The following TRIQK variants were observed in gnomAD, a reference collection of about 807,000 sequenced individuals.
TRIQK encodes the protein triple QxxK/R motif containing.
A neutral mutation model predicts 10.8 loss-of-function variants in TRIQK; 10 were observed. The ratio of observed to expected loss-of-function variants is 0.92; its 90% CI spans 0.57 to 1.57. The LOEUF is 1.57. TRIQK is among the 40% of genes most tolerant of loss of function. TRIQK has a pLI of 0.00. For synonymous variants in TRIQK, 33 were observed against 33.7 expected (o/e 0.98, Z 0.07); for missense variants, 107 against 97.7 (o/e 1.09, Z -0.40).
At chr8:92,911,426 C>T (rs899260250) in intron 3 of TRIQK, among the ~76,000 whole-genome samples, 9 of 151,104 alleles carry the variant, frequency 6.0e-5, no homozygotes, top group Non-Finnish European at 3.0e-5. Context: ...AAAGCCCTTA[C>T]TATCAAAAAT....
chr8:92,914,875 C>A (rs1171790120), intron 3 of TRIQK, among the ~76,000 whole-genome samples: 2 of 151,930 alleles, frequency 1.3e-5, no homozygotes, highest in African/African-American at 4.8e-5. Context: ...TAGGTATATA[C>A]CCAAAGAAAA....
intron 4 of TRIQK, among the ~76,000 whole-genome samples, chr8:92,890,294 AAAGT>A (rs1299245215): frequency 2.6e-5 from 4 of 151,768 alleles, no homozygotes; most frequent in Non-Finnish European, 5.9e-5. Flanking sequence ...ATTGTCAAGC[AAAGT>A]AAGTAATATT....
chr8:92,950,418 C>A (rs899798453), intron 2 of TRIQK, among the ~76,000 whole-genome samples: 1 of 152,120 alleles, frequency 6.6e-6, no homozygotes, highest in Non-Finnish European at 1.5e-5. Context: ...TTAAAGCTGG[C>A]AACTTAATCT....
At chr8:92,910,764 GA>G (rs1403520277) in intron 3 of TRIQK, among the ~76,000 whole-genome samples, 1 of 150,858 alleles carries the variant, frequency 6.6e-6, no homozygotes, top group African/African-American at 2.4e-5. Context: ...TAGAAAAGGG[GA>G]AATTATCATA....
upstream of TRIQK, among the ~76,000 whole-genome samples, chr8:92,967,720 C>T (rs1042578597): frequency 1.3e-5 from 2 of 150,446 alleles, no homozygotes; most frequent in Non-Finnish European, 1.5e-5. Context: ...TACTCAGGAG[C>T]CTGAGGCAGG....
intron 2 of TRIQK, among the ~76,000 whole-genome samples, chr8:92,927,017 C>T (rs1347901518): frequency 6.6e-6 from 1 of 152,084 alleles, no homozygotes; most frequent in African/African-American, 2.4e-5. Flanking sequence ...TGCCACTGCA[C>T]TCCAGCTTGG....
At chr8:92,910,219 A>G (rs1809499850) in intron 3 of TRIQK, among the ~76,000 whole-genome samples, 1 of 151,486 alleles carries the variant, frequency 6.6e-6, no homozygotes. Context: ...AAAATATGTG[A>G]AAGATAGGAG....
At chr8:92,931,950 A>G (rs1053609955) in intron 2 of TRIQK, among the ~76,000 whole-genome samples, 4 of 152,198 alleles carry the variant, frequency 2.6e-5, no homozygotes, top group Non-Finnish European at 5.9e-5. Flanking sequence ...ATTTTAGGCA[A>G]TACCTGAAAC....
intron 3 of TRIQK, among the ~76,000 whole-genome samples, chr8:92,908,876 T>C (rs986710398): frequency 6.6e-6 from 1 of 152,006 alleles, no homozygotes; most frequent in African/African-American, 2.4e-5. Context: ...TAAAGACTTT[T>C]ATATTTCCTT....
At chr8:93,003,281 G>A (rs1813232837) in intron 1 of TRIQK, among the ~76,000 whole-genome samples, 1 of 148,856 alleles carries the variant, frequency 6.7e-6, no homozygotes, top group Non-Finnish European at 1.5e-5. Context: ...GGAAAGCAAA[G>A]GGGAAGCAAG....
At chr8:92,987,101 A>G (rs1813040533) in intron 1 of TRIQK, among the ~76,000 whole-genome samples, 1 of 152,184 alleles carries the variant, frequency 6.6e-6, no homozygotes. Context: ...ATAATTTAAC[A>G]TACTATGGTC....
At chr8:92,907,936 C>T (rs1235592657) in intron 3 of TRIQK, among the ~76,000 whole-genome samples, 1 of 152,002 alleles carries the variant, frequency 6.6e-6, no homozygotes, top group African/African-American at 2.4e-5. Flanking sequence ...ATTTACCATT[C>T]CTCATATTAC....
At chr8:92,933,715 T>C (rs1195328506) in intron 2 of TRIQK, among the ~76,000 whole-genome samples, 1 of 152,162 alleles carries the variant, frequency 6.6e-6, no homozygotes, top group African/African-American at 2.4e-5. Flanking sequence ...TATTTATACA[T>C]TTAAAAATAT....
intron 1 of TRIQK, among the ~76,000 whole-genome samples, chr8:93,007,972 G>A (rs1427521735): frequency 6.6e-6 from 1 of 152,288 alleles, no homozygotes; most frequent in African/African-American, 2.4e-5. Context: ...AAAAAGAAAC[G>A]AGACCATGTC....
At chr8:92,925,865 A>G (rs528033910) in intron 2 of TRIQK, among the ~76,000 whole-genome samples, 1 of 152,306 alleles carries the variant, frequency 6.6e-6, no homozygotes, top group East Asian at 1.9e-4. Flanking sequence ...AGAGAGATAA[A>G]TGTATATGGT....
At chr8:92,892,299 A>G (rs978626618) in intron 3 of TRIQK, among the ~76,000 whole-genome samples, 1 of 151,918 alleles carries the variant, frequency 6.6e-6, no homozygotes, top group Non-Finnish European at 1.5e-5. Flanking sequence ...TTTGCTGTAT[A>G]GTGAATGTCA....
intron 2 of TRIQK, among the ~76,000 whole-genome samples, chr8:92,950,448 G>T (rs1811836494): frequency 6.6e-6 from 1 of 152,098 alleles, no homozygotes; most frequent in Non-Finnish European, 1.5e-5. Context: ...GTAGGAATTT[G>T]CAAATTATCC....
chr8:92,950,800 T>C (rs1248528452), intron 2 of TRIQK, among the ~76,000 whole-genome samples: 5 of 152,148 alleles, frequency 3.3e-5, no homozygotes, highest in African/African-American at 1.2e-4. Flanking sequence ...CCAACGAATA[T>C]CTTCCAAAAC....
intron 3 of TRIQK, among the ~76,000 whole-genome samples, chr8:92,898,104 T>G (rs1414974562): frequency 1.3e-5 from 2 of 152,160 alleles, no homozygotes; most frequent in East Asian, 1.9e-4. Context: ...GTAATGATGC[T>G]TCAGGCAACT....
Sources: allele counts gnomAD v4.1 joint callset (sites outside exome capture counted in the v4.1 genomes callset), GRCh38; gene constraint gnomAD v4.1.1; transcripts MANE v1.5; gene names NCBI Gene and HGNC (gene_info 2026-07-23, HGNC 2026-07-21).